The following KCNQ2 variants were observed in gnomAD, a reference collection of about 807,000 sequenced individuals.
KCNQ2 encodes the protein potassium voltage-gated channel subfamily Q member 2.
Under a neutral mutation model 84.8 loss-of-function variants are expected in KCNQ2, and 14 were observed. The ratio of observed to expected loss-of-function variants is 0.17; its 90% CI spans 0.11 to 0.26. KCNQ2 has a LOEUF of 0.26. KCNQ2 is among the 10% of genes least tolerant of loss of function. The pLI is 1.00. For synonymous variants in KCNQ2, 599 were observed against 554.1 expected (o/e 1.08, Z -1.14); for missense variants, 788 against 1,254.0 (o/e 0.63, Z 5.61).
intron 1 of KCNQ2, among the ~76,000 whole-genome samples, chr20:63,467,560 G>A (rs1176062860): frequency 1.3e-5 from 2 of 152,176 alleles, no homozygotes; most frequent in East Asian, 1.9e-4. Flanking sequence ...GGCTAGCCCC[G>A]TGCTCTTGCG....
rs1316198239 is a variant in KCNQ2, at chr20:63,401,027, G to A, written c.*5617C>T. ...GTGCACGTGCCTGCCTGGTAGCCCC[G>A]GGGACCGGCCCCTCCTTGCTGGCGC... is the stretch of plus-strand genomic sequence containing the variant. On this transcript the variant is annotated 3_prime_UTR_variant, in exon 17 of 17. Transcript: ENST00000359125. 2.8e-5 allele frequency: 11 copies of A among 395,918 alleles called. No individual in the cohort carries two copies. Among genetic ancestry groups the A allele is most frequent in the East Asian group, 1.4e-4 (4 of 27,954 alleles). The allele number at this position is 395,918 out of a possible 1,614,324, so 24.5% of individuals were successfully genotyped here.
intron 1 of KCNQ2, among the ~76,000 whole-genome samples, chr20:63,462,806 C>G (rs2081989153): frequency 6.6e-6 from 1 of 152,138 alleles, no homozygotes; most frequent in Non-Finnish European, 1.5e-5. Context: ...CCGACGGAGC[C>G]TAGAGGGGGA....
Position 63,455,661 on chromosome 20 carries a change from C to A in KCNQ2, c.297-8824G>T, listed in dbSNP as rs1010811610. Among the ~76,000 whole-genome samples the A allele has an allele frequency of 4.3e-4, 65 of 152,012 alleles. 1 individual carries two copies. Among genetic ancestry groups the A allele is most frequent in the African/African-American group, 1.4e-3 (57 of 41,388 alleles). On this transcript the variant is annotated intron_variant, in intron 1 of 16. Transcript: ENST00000359125. ...GAGGGGTGCCCAGTTAAGGCCGGAC[C>A]ACAGTCCTGGGGCCCCCACCGCCCA...
At chr20:63,444,010 C>T (rs557129575) in intron 4 of KCNQ2, among the ~76,000 whole-genome samples, 245 of 152,356 alleles carry the variant, frequency 1.6e-3, no homozygotes, top group African/African-American at 5.5e-3. Context: ...ACCCCCACAG[C>T]GTCCAGGGAG....
chr20:63,443,391 CCAT>C (rs545822705), intron 4 of KCNQ2, among the ~76,000 whole-genome samples: 6 of 19,862 alleles, frequency 3.0e-4, no homozygotes, highest in Admixed American at 9.0e-4. Flanking sequence ...ATCACCACCA[CCAT>C]CACCATCACC....
rs1362316126 is a variant in KCNQ2 at position 63,472,273 on chromosome 20, G to GCGCCCGCGC, written c.182_190dup (p.Gly61_Gly63dup). 11 of 1,537,690 alleles carry GCGCCCGCGC rather than the reference G, an allele frequency of 7.2e-6. No homozygotes were observed. The highest frequency in any genetic ancestry group is 2.5e-5 in the East Asian group (1 of 39,382). ...GGCGTTGCGCTTGGGGGGCTTCCCG[G>GCGCCCGCGC]CGCCCGCGCCGCCCGCGCGAGGTTT... On this transcript the variant is annotated inframe_insertion, in exon 1 of 17. Coordinates refer to ENST00000359125, the MANE Select transcript of KCNQ2 (RefSeq NM_172107.4).
At chr20:63,440,702 T>A (rs1374279256) in intron 5 of KCNQ2, among the ~76,000 whole-genome samples, 1 of 152,186 alleles carries the variant, frequency 6.6e-6, no homozygotes, top group East Asian at 1.9e-4. Context: ...CGCTGCTGTG[T>A]GGTCTGAGGA....
At chr20:63,428,298 C>T (rs539466712) in intron 10 of KCNQ2, 69 bp downstream of exon 10, 79 of 1,208,236 alleles carry the variant, frequency 6.5e-5, no homozygotes, top group Non-Finnish European at 1.1e-5. Context: ...GGCGTGTCTT[C>T]TGTGGGCAGC....
chr20:63,439,679 G>A lies in KCNQ2; in HGVS notation c.846C>T (p.Asp282=). 1 of 1,613,760 alleles carries A rather than the reference G, an allele frequency of 6.2e-7. No individual in the cohort carries two copies. The highest frequency in any genetic ancestry group is 1.1e-5 in the South Asian group (1 of 91,084). Residue 282 remains aspartate (D), a synonymous_variant, in exon 6 of 17, where the codon GAC becomes GAT. Transcript: ENST00000359125. The part of the protein sequence containing the change: ...LITLTTIGYG[D]KYPQTWNGRL... The stretch of plus-strand genomic sequence containing the variant: ...TGCCGTTCCAGGTCTGGGGGTACTT[G>A]TCCCCGTAGCCAATGGTGGTCAGCG...
intron 1 of KCNQ2, among the ~76,000 whole-genome samples, chr20:63,452,962 A>G (rs918683959): frequency 1.3e-5 from 2 of 152,176 alleles, no homozygotes; most frequent in African/African-American, 4.8e-5. Context: ...CTGCAGGCTG[A>G]GGGGAGGGTC....
chr20:63,421,267 G>A (rs955109985), intron 11 of KCNQ2, among the ~76,000 whole-genome samples: 3 of 151,986 alleles, frequency 2.0e-5, no homozygotes, highest in Admixed American at 6.6e-5. Flanking sequence ...TCCGGCTGTC[G>A]CCACCAGGCA....
chr20:63,449,605 C>T (rs369185864), intron 1 of KCNQ2, among the ~76,000 whole-genome samples: 64 of 152,062 alleles, frequency 4.2e-4, no homozygotes, highest in African/African-American at 1.3e-3. Context: ...ACTCTGCTCA[C>T]GGCTTCACTG....
chr20:63,442,698 CCAT>C lies in KCNQ2; in HGVS notation c.691-170_691-168del, dbSNP rs879394759. On this transcript the variant is annotated intron_variant, in intron 4 of 16. Coordinates refer to ENST00000359125, the MANE Select transcript of KCNQ2 (RefSeq NM_172107.4). Reference sequence around the variant, plus strand: ...ACCACCACCACCATCACCATCACCACCATCACCATCACCACCACCACCACCATC... The same window carrying C: ...ACCACCACCACCATCACCATCACCACCACCATCACCACCACCACCACCATC... Among the ~76,000 whole-genome samples the C allele has an allele frequency of 2.3e-3, 226 of 100,294 alleles. 9 individuals carry two copies. Among genetic ancestry groups the C allele is most frequent in the Middle Eastern group, 5.2e-3 (1 of 194 alleles). 65.8% of individuals were successfully genotyped at this position (100,294 alleles called of 152,430 possible). A position where few individuals can be genotyped will look rare whatever the true frequency, so the allele number is the denominator to read the frequency against.
chr20:63,467,034 C>T (rs115307612), intron 1 of KCNQ2, among the ~76,000 whole-genome samples: 5,640 of 152,320 alleles, frequency 0.037, 353 homozygotes, highest in African/African-American at 0.13. Flanking sequence ...ACATCGCAGG[C>T]ATCACCCCAC....
At chr20:63,441,682 T>C (rs2081166561) in intron 5 of KCNQ2, among the ~76,000 whole-genome samples, 1 of 152,136 alleles carries the variant, frequency 6.6e-6, no homozygotes, top group South Asian at 2.1e-4. Context: ...GTCATCTGTA[T>C]GGTCCACAGC....
chr20:63,443,028 C>CCATT, intron 4 of KCNQ2, among the ~76,000 whole-genome samples: 1 of 8,686 alleles, frequency 1.2e-4, no homozygotes, highest in South Asian at 3.3e-3. Flanking sequence ...ACCACCATCA[C>CCATT]ATCACCACCA....
At chr20:63,465,904 G>C (rs573220093) in intron 1 of KCNQ2, among the ~76,000 whole-genome samples, 5 of 152,206 alleles carry the variant, frequency 3.3e-5, no homozygotes, top group African/African-American at 9.7e-5. Flanking sequence ...ATGGCTGGGC[G>C]CGTGTCGGTG....
chr20:63,423,843 G>GGA, intron 11 of KCNQ2: 1 of 423,862 alleles, frequency 2.4e-6, no homozygotes, highest in East Asian at 4.5e-5. Flanking sequence ...GCAGCTGGAG[G>GGA]GAGCGCACTA....
rs754242559 is a variant in KCNQ2, at chr20:63,400,255, G to A, written c.*6389C>T. 15 of 194,638 alleles carry A rather than the reference G, an allele frequency of 7.7e-5. No individual in the cohort carries two copies. The highest frequency in any genetic ancestry group is 1.2e-4 in the Non-Finnish European group (12 of 96,890). The allele number at this position is 194,638 out of a possible 1,614,324, so 12.1% of individuals were successfully genotyped here. A position where few individuals can be genotyped will look rare whatever the true frequency, so the allele number is the denominator to read the frequency against. ...TACTGAGTGCACAGGTCCACCTGGC[G>A]TCCGAACTCGTCCCCGTGGCAGCAG... On this transcript the variant is annotated 3_prime_UTR_variant, in exon 17 of 17. Coordinates refer to ENST00000359125, the MANE Select transcript of KCNQ2 (RefSeq NM_172107.4). The surrounding 1 kb of genome is among the most constrained non-coding windows in gnomAD (Gnocchi z 8.7).
Sources: allele counts gnomAD v4.1 joint callset (sites outside exome capture counted in the v4.1 genomes callset), GRCh38; gene constraint gnomAD v4.1.1; non-coding constraint Gnocchi (gnomAD v3.1); transcripts MANE v1.5; gene names NCBI Gene and HGNC (gene_info 2026-07-23, HGNC 2026-07-21).